Variants in SPTA1 observed in about 807,000 individuals in gnomAD.
The protein encoded by SPTA1 is spectrin alpha, erythrocytic 1.
In SPTA1, 177 loss-of-function variants were observed where a neutral mutation model predicts 324.7. The ratio of observed to expected loss-of-function variants is 0.55; its 90% CI spans 0.48 to 0.62. SPTA1 has a LOEUF of 0.62. SPTA1 is among the 20% of genes least tolerant of loss of function. SPTA1 has a pLI of 0.00. For synonymous variants in SPTA1, 1,195 were observed against 1,041.3 expected (o/e 1.15, Z -2.84); for missense variants, 3,162 against 2,883.6 (o/e 1.10, Z -2.21).
chr1:158,629,492 G>C (rs1650541311), intron 39 of SPTA1, among the ~76,000 whole-genome samples: 1 of 151,814 alleles, frequency 6.6e-6, no homozygotes. Context: ...ACTCTTTCAT[G>C]ATAAAAACCA....
In SPTA1 at chr1:158,662,683, C is replaced by T; in HGVS notation, c.2464+19G>A. ...CTTGGTCCTTTCCTAGTGGCTCAGC[C>T]TGCTCAGGCTGTACTAACCAAGGTA... On this transcript the variant is annotated intron_variant, in intron 17 of 51. Coordinates refer to ENST00000643759, the MANE Select transcript of SPTA1 (RefSeq NM_003126.4). 1 of 1,613,448 alleles carries T rather than the reference C, an allele frequency of 6.2e-7. No homozygotes were observed. Among genetic ancestry groups the T allele is most frequent in the Non-Finnish European group, 8.5e-7 (1 of 1,179,936 alleles).
intron 5 of SPTA1, 44 bp from the exon 6 acceptor site, chr1:158,678,578 A>G: frequency 6.2e-7 from 1 of 1,602,948 alleles, no homozygotes; most frequent in Non-Finnish European, 8.5e-7. Flanking sequence ...AGATGAGATT[A>G]TATTTAAAAA....
In SPTA1 at chr1:158,667,850, CT is replaced by C; in HGVS notation, c.2038+7del. On this transcript the variant is annotated splice_region_variant and intron_variant, in intron 15 of 51. Coordinates refer to ENST00000643759, the MANE Select transcript of SPTA1 (RefSeq NM_003126.4). The stretch of plus-strand genomic sequence containing the variant: ...AAATGACCTTTCACCAAAACCTCTG[CT>C]TTTTACCTTTCTGTTTTGTAGCCTC... The C allele has an allele frequency of 6.2e-7, 1 of 1,613,516 alleles. No individual in the cohort carries two copies. The highest frequency in any genetic ancestry group is 8.5e-7 in the Non-Finnish European group (1 of 1,179,790).
At chr1:158,656,933 C>T (rs1209039120) in intron 19 of SPTA1, among the ~76,000 whole-genome samples, 3 of 152,170 alleles carry the variant, frequency 2.0e-5, no homozygotes, top group Non-Finnish European at 2.9e-5. Flanking sequence ...GCTGTTGATA[C>T]TGTTACTTTA....
Position 158,685,251 on chromosome 1 carries a change from G to C in SPTA1, c.121C>G (p.Arg41Gly). Residue 41 changes from arginine (R) to glycine (G), a missense_variant, in exon 2 of 52, where the codon CGG (arginine) becomes GGG (glycine). By Grantham distance (125) the Arg-to-Gly change is moderately radical. Coordinates refer to ENST00000643759, the MANE Select transcript of SPTA1 (RefSeq NM_003126.4). ...AGCTTCTGACCCCTCTCAGCGACCC[G>C]CTCCTTGAAACTTTGATACCGAGTC... is the stretch of plus-strand genomic sequence containing the variant. ...VLTRYQSFKE[R>G]VAERGQKLED... The C allele has an allele frequency of 6.2e-7, 1 of 1,613,618 alleles. No individual in the cohort carries two copies. The highest frequency in any genetic ancestry group is 8.5e-7 in the Non-Finnish European group (1 of 1,179,766).
chr1:158,672,418 T>A (rs1654091742), intron 10 of SPTA1, among the ~76,000 whole-genome samples: 1 of 152,142 alleles, frequency 6.6e-6, no homozygotes, highest in Admixed American at 6.5e-5. Context: ...TGAAAAAGAC[T>A]AATTCTAATT....
chr1:158,641,529 C>A (rs533962227), intron 33 of SPTA1, among the ~76,000 whole-genome samples: 2 of 152,308 alleles, frequency 1.3e-5, no homozygotes, highest in South Asian at 4.2e-4. Context: ...CAAAAGAAGA[C>A]ATTTATGCAG....
chr1:158,652,490 T>C lies in SPTA1; in HGVS notation c.3352A>G (p.Lys1118Glu), dbSNP rs994266055. The part of the protein sequence containing the change: ...VELDDVWELQ[K>E]KFDEFQKDLN... ...ACCTTTTGGAACTCATCAAACTTTT[T>C]CTGCAGCTCCCAAACATCATCTAGT... Residue 1118 changes from lysine to glutamate, a missense_variant, in exon 23 of 52, where the codon AAA becomes GAA. Physicochemically the swap from Lys to Glu is moderately conservative, Grantham distance 56. Transcript: ENST00000643759. 1 of 1,614,170 alleles carries C rather than the reference T, an allele frequency of 6.2e-7. No individual in the cohort carries two copies. Among genetic ancestry groups the C allele is most frequent in the Non-Finnish European group, 8.5e-7 (1 of 1,180,022 alleles).
chr1:158,682,598 T>TA, intron 3 of SPTA1, among the ~76,000 whole-genome samples: 1 of 152,294 alleles, frequency 6.6e-6, no homozygotes, highest in African/African-American at 2.4e-5. Flanking sequence ...ATTTTTATGC[T>TA]ATATATAGAA....
At chr1:158,643,052 C>G in intron 31 of SPTA1, 76 bp from the exon 32 acceptor site, 1 of 1,586,236 alleles carries the variant, frequency 6.3e-7, no homozygotes, top group Non-Finnish European at 8.6e-7. Context: ...ATAAATCTTC[C>G]CATTTGCCAA....
At chr1:158,674,056 C>T (rs1034711688) in intron 10 of SPTA1, among the ~76,000 whole-genome samples, 5 of 152,088 alleles carry the variant, frequency 3.3e-5, no homozygotes, top group Non-Finnish European at 7.4e-5. Flanking sequence ...TTAAAGTGTA[C>T]AGGAGAATGT....
Position 158,662,864 on chromosome 1 carries a change from G to T in SPTA1, c.2302C>A (p.Gln768Lys). 1 of 1,614,114 alleles carries T rather than the reference G, an allele frequency of 6.2e-7. No homozygotes were observed. Among genetic ancestry groups the T allele is most frequent in the Non-Finnish European group, 8.5e-7 (1 of 1,179,988 alleles). Residue 768 changes from glutamine (Q) to lysine (K), a missense_variant, in exon 17 of 52, where the codon CAA becomes AAA. By Grantham distance (53) the Gln-to-Lys change is moderately conservative (BLOSUM62 1). Transcript: ENST00000643759. ...TCAAATCGGCATACCAAGGACTCTT[G>T]CCTTGCCCTTATATCCTTAGAATCA... is the stretch of plus-strand genomic sequence containing the variant. ...HPDSKDIRAR[Q>K]ESLVCRFEAL...
At chr1:158,629,076 G>A (rs987009958) in intron 39 of SPTA1, among the ~76,000 whole-genome samples, 2 of 151,820 alleles carry the variant, frequency 1.3e-5, no homozygotes, top group Admixed American at 6.6e-5. Context: ...CCTTCGCAAA[G>A]TCAGCATTAC....
Position 158,636,781 on chromosome 1 carries a change from C to T in SPTA1, c.5190-20G>A. ...TTCTCCCTAAAATCAAGGAAGAAAA[C>T]AGAAAGTTTGGAGTCTAGACATCTA... On this transcript the variant is annotated intron_variant, in intron 36 of 51. Coordinates refer to ENST00000643759, the MANE Select transcript of SPTA1 (RefSeq NM_003126.4). 1 of 1,613,784 alleles carries T rather than the reference C, an allele frequency of 6.2e-7. No individual in the cohort carries two copies. Among genetic ancestry groups the T allele is most frequent in the Non-Finnish European group, 8.5e-7 (1 of 1,179,924 alleles).
chr1:158,647,074 G>A (rs1257253715), intron 27 of SPTA1, among the ~76,000 whole-genome samples: 3 of 151,834 alleles, frequency 2.0e-5, no homozygotes, highest in Admixed American at 2.0e-4. Flanking sequence ...TTTTTGCACA[G>A]TTCAGTCTAC....
chr1:158,667,925 A>G lies in SPTA1; in HGVS notation c.1971T>C (p.Asn657=). 4 of 1,614,026 alleles carry G rather than the reference A, an allele frequency of 2.5e-6. No homozygotes were observed. The highest frequency in any genetic ancestry group is 1.1e-5 in the South Asian group (1 of 91,078). Residue 657 remains asparagine (N), a synonymous_variant, in exon 15 of 52, where the codon AAT becomes AAC. Coordinates refer to ENST00000643759, the MANE Select transcript of SPTA1 (RefSeq NM_003126.4). ...CAACTTCACTCAGACGAGTGGTCAC[A>G]TTGTCAGAGGCATAGTGACCACCCT... ...MIEGGHYASD[N]VTTRLSEVAS... is the part of the protein sequence containing the mutation.
rs369727646 is a variant in SPTA1, at chr1:158,614,143, C to T, written c.6842+110G>A. On this transcript the variant is annotated intron_variant, in intron 49 of 51. Transcript: ENST00000643759. ...CTGGAGCTAATGAGCATATCTAGAT[C>T]TTCATTTAAGATTCCACCAAGCCTC... The T allele has an allele frequency of 9.4e-6, 9 of 952,928 alleles. No homozygotes were observed. The East Asian group carries it at 1.9e-4, about 21-fold the overall frequency. The allele number at this position is 952,928 out of a possible 1,614,324, so 59.0% of individuals were successfully genotyped here.
In SPTA1 at chr1:158,611,271, C is replaced by A; in HGVS notation, c.7253G>T (p.Gly2418Val). Residue 2418 changes from glycine (G) to valine (V), a missense_variant, in exon 52 of 52, where the codon GGC becomes GTC. Gly to Val is a moderately radical substitution (Grantham distance 109). Transcript: ENST00000643759. Reference sequence around the variant, plus strand: ...TCCACGAGGAGCTGCTTATTAGTTGCCAAAGTAGGAATTGGTGAAGCCAAC... The same window carrying A: ...TCCACGAGGAGCTGCTTATTAGTTGACAAAGTAGGAATTGGTGAAGCCAAC... ...DYVGFTNSYF[G>V]N The A allele has an allele frequency of 6.2e-7, 1 of 1,613,470 alleles. No individual in the cohort carries two copies. Among genetic ancestry groups the A allele is most frequent in the South Asian group, 1.1e-5 (1 of 91,068 alleles).
intron 20 of SPTA1, among the ~76,000 whole-genome samples, chr1:158,655,739 C>T (rs1391179501): frequency 6.6e-6 from 1 of 152,164 alleles, no homozygotes; most frequent in African/African-American, 2.4e-5. Context: ...ATATAGTAGA[C>T]ATTGTTATAA....
Sources: allele counts gnomAD v4.1 joint callset (sites outside exome capture counted in the v4.1 genomes callset), GRCh38; gene constraint gnomAD v4.1.1; transcripts MANE v1.5; gene names NCBI Gene and HGNC (gene_info 2026-07-23, HGNC 2026-07-21).